ANPEP: variants seen among roughly 807,000 people sequenced by gnomAD.
ANPEP encodes aminopeptidase N.
In ANPEP, 70 loss-of-function variants were observed where a neutral mutation model predicts 114.6. That is an observed-to-expected ratio of 0.61 (90% CI 0.50 to 0.75). ANPEP has a LOEUF of 0.75. Ranked by LOEUF, ANPEP falls within the 30% of genes least tolerant of loss-of-function variation. ANPEP has a pLI of 0.00. For missense variants in ANPEP, 1,184 were observed against 1,259.5 expected, an observed-to-expected ratio of 0.94 and a Z score of 0.91; for synonymous variants, 548 against 522.3, an observed-to-expected ratio of 1.05 and a Z score of -0.67.
intron 19 of ANPEP, 33 bp downstream of exon 19, chr15:89,790,920 T>C: frequency 6.2e-7 from 1 of 1,608,344 alleles, no homozygotes; most frequent in Non-Finnish European, 8.5e-7. Context: ...GCCTCGGCGC[T>C]CGCTGTCCCT....
intron 15 of ANPEP, among the ~76,000 whole-genome samples, chr15:89,793,590 C>T: frequency 6.6e-6 from 1 of 150,970 alleles, no homozygotes; most frequent in East Asian, 2.0e-4. Context: ...GTATTCCCAG[C>T]TACTTGGGAG....
chr15:89,790,089 A>T (rs1968590674), intron 20 of ANPEP, among the ~76,000 whole-genome samples: 3 of 142,328 alleles, frequency 2.1e-5, no homozygotes, highest in South Asian at 4.6e-4. Context: ...AAAAAATAAA[A>T]GAATGCGTTT....
chr15:89,787,155 C>T (rs1044862292), intron 20 of ANPEP, among the ~76,000 whole-genome samples: 1 of 149,732 alleles, frequency 6.7e-6, no homozygotes, highest in Non-Finnish European at 1.5e-5. Context: ...AAGCAATTCT[C>T]CTGCCTCAGC....
At chr15:89,790,923 C>A (rs781216760) in intron 19 of ANPEP, 30 bp downstream of exon 19, 1 of 1,609,786 alleles carries the variant, frequency 6.2e-7, no homozygotes, top group Non-Finnish European at 8.5e-7. Flanking sequence ...TCGGCGCTCG[C>A]TGTCCCTGAC....
intron 2 of ANPEP, 49 bp downstream of exon 2, chr15:89,805,921 G>GC: frequency 6.5e-7 from 1 of 1,547,670 alleles, no homozygotes; most frequent in Non-Finnish European, 8.7e-7. Flanking sequence ...ATCCAGCCTT[G>GC]CCTCAGCACC....
chr15:89,796,145 A>G lies in ANPEP; in HGVS notation c.2157+1430T>C, dbSNP rs1968722098. On this transcript the variant is annotated intron_variant, in intron 15 of 20. Coordinates refer to ENST00000300060, the MANE Select transcript of ANPEP (RefSeq NM_001150.3). ...GCAGGAGGATCCCTTGAGCCTAGGT[A>G]TTTGAGGCTGCAGTGAAGCTTGATT... 2.6e-5 allele frequency among the ~76,000 whole-genome samples: 4 copies of G among 152,178 alleles called. No individual in the cohort carries two copies. In the South Asian group the frequency reaches 8.3e-4, roughly 32 times the overall value.
chr15:89,814,000 G>T (rs1029719116), intron 1 of ANPEP, among the ~76,000 whole-genome samples: 4 of 151,416 alleles, frequency 2.6e-5, no homozygotes, highest in Non-Finnish European at 5.9e-5. Context: ...CTGGGGGGGG[G>T]GGGTGCGTTC....
rs762434643 is a variant in ANPEP, at chr15:89,804,441, C to T, written c.1025-34G>A. 2.5e-5 allele frequency: 41 copies of T among 1,613,930 alleles called. No individual in the cohort carries two copies. The East Asian group carries it at 4.0e-4, about 16-fold the overall frequency. ...GCGATGCCATTGGCAGGATGAACTCCGGGAGTGGAGCTCCATCCACTGCCT... is the reference window on the plus strand; with the variant it reads ...GCGATGCCATTGGCAGGATGAACTCTGGGAGTGGAGCTCCATCCACTGCCT... On this transcript the variant is annotated intron_variant, in intron 5 of 20. Transcript: ENST00000300060.
At chr15:89,797,385 C>A in intron 15 of ANPEP, 190 bp downstream of exon 15, 1 of 783,390 alleles carries the variant, frequency 1.3e-6, no homozygotes, top group African/African-American at 1.8e-5. Flanking sequence ...CCCTCCGGCT[C>A]GCTCTTTCAC....
chr15:89,791,841 G>T lies in ANPEP; in HGVS notation c.2528+319C>A, dbSNP rs567845029. 9.3e-4 allele frequency among the ~76,000 whole-genome samples: 141 copies of T among 152,178 alleles called. 1 individual carries two copies. Among genetic ancestry groups the T allele is most frequent in the Non-Finnish European group, 1.8e-3 (125 of 67,998 alleles). The stretch of plus-strand genomic sequence containing the variant: ...GACCCTCATCCAAGGGCTTGAGGGG[G>T]TGCCCAGCTGGATGTTTGAAAAGAC... On this transcript the variant is annotated intron_variant, in intron 18 of 20. Transcript: ENST00000300060.
At chr15:89,809,763 G>A (rs1894785883) in intron 1 of ANPEP, among the ~76,000 whole-genome samples, 1 of 152,210 alleles carries the variant, frequency 6.6e-6, no homozygotes, top group East Asian at 1.9e-4. Context: ...CAAACCTGGT[G>A]CCCAACCTGC....
In ANPEP at chr15:89,803,537, G is replaced by A; in HGVS notation, c.1438-30C>T. The A allele has an allele frequency of 6.2e-7, 1 of 1,605,790 alleles. No homozygotes were observed. On this transcript the variant is annotated intron_variant, in intron 8 of 20. Transcript: ENST00000300060. This position sits in a 1 kb window ranked among gnomAD's most constrained non-coding sequence, Gnocchi z 4.2. ...GGTGGGGGTGAGGGGGCGCTCAGAA[G>A]GCTGTGCAGAGCCACCAGGACCCTG...
intron 15 of ANPEP, 78 bp from the exon 16 acceptor site, chr15:89,793,204 G>A (rs891932718): frequency 6.8e-6 from 9 of 1,317,944 alleles, no homozygotes; most frequent in African/African-American, 2.9e-5. Context: ...TCTGATGTTG[G>A]GGGGCAGGCG....
chr15:89,807,626 G>C lies in ANPEP; in HGVS notation c.-223-820C>G, dbSNP rs192801382. 2.1e-3 allele frequency among the ~76,000 whole-genome samples: 323 copies of C among 152,250 alleles called. 2 individuals are homozygous for C. The Middle Eastern group carries it at 0.051, about 24-fold the overall frequency. On this transcript the variant is annotated intron_variant, in intron 1 of 20. Coordinates refer to ENST00000300060, the MANE Select transcript of ANPEP (RefSeq NM_001150.3). Reference sequence around the variant, plus strand: ...CTGAGGCAGAGAATTGCTTGAATCCGGGAGGCAGAGATTGCAGTGAGCTGA... The same window carrying C: ...CTGAGGCAGAGAATTGCTTGAATCCCGGAGGCAGAGATTGCAGTGAGCTGA...
intron 18 of ANPEP, 110 bp downstream of exon 18, chr15:89,792,050 C>G (rs143995740): frequency 2.5e-5 from 33 of 1,316,386 alleles, no homozygotes; most frequent in Non-Finnish European, 3.1e-5. Flanking sequence ...GCCTCCACCT[C>G]AACAGGTCTG....
rs540491547 is a variant in ANPEP at position 89,799,248 on chromosome 15, C to T, written c.2009+12G>A. ...GAGCTTCTGCAGCTGAGCCAGGCAG[C>T]GGAGCACTCACCTGGCCAGGTTGAA... On this transcript the variant is annotated intron_variant, in intron 14 of 20. Transcript: ENST00000300060. This position sits in a 1 kb window ranked among gnomAD's most constrained non-coding sequence, Gnocchi z 4.2. 1.4e-5 allele frequency: 23 copies of T among 1,614,030 alleles called. No individual in the cohort carries two copies. Among genetic ancestry groups the T allele is most frequent in the Admixed American group, 3.3e-5 (2 of 60,020 alleles).
intron 2 of ANPEP, 42 bp from the exon 3 acceptor site, chr15:89,805,505 G>T (rs1455593553): frequency 6.2e-7 from 1 of 1,610,008 alleles, no homozygotes; most frequent in Non-Finnish European, 8.5e-7. Context: ...AGAGCTGGGG[G>T]TGTGGGAGGG....
chr15:89,787,369 G>A lies in ANPEP; in HGVS notation c.2752-1868C>T, dbSNP rs138906892. ...CAATAAAACTCTTAGAAAAAACATCGTCAGGTCTTTTGTGGGTTTGAAAAA... is the reference window on the plus strand; with the variant it reads ...CAATAAAACTCTTAGAAAAAACATCATCAGGTCTTTTGTGGGTTTGAAAAA... On this transcript the variant is annotated intron_variant, in intron 20 of 20. Coordinates refer to ENST00000300060, the MANE Select transcript of ANPEP (RefSeq NM_001150.3). Among the ~76,000 whole-genome samples, 12 of 152,128 alleles carry A rather than the reference G, an allele frequency of 7.9e-5. No homozygotes were observed. The East Asian group carries it at 1.2e-3, about 15-fold the overall frequency.
At chr15:89,788,185 G>A (rs544148862) in intron 20 of ANPEP, among the ~76,000 whole-genome samples, 9 of 152,300 alleles carry the variant, frequency 5.9e-5, no homozygotes, top group African/African-American at 1.9e-4. Context: ...GCACGTGAAG[G>A]TCCATGATAT....
Sources: allele counts gnomAD v4.1 joint callset (sites outside exome capture counted in the v4.1 genomes callset), GRCh38; gene constraint gnomAD v4.1.1; non-coding constraint Gnocchi (gnomAD v3.1); transcripts MANE v1.5; gene names NCBI Gene and HGNC (gene_info 2026-07-23, HGNC 2026-07-21).